CACNB4: variants seen among roughly 807,000 people sequenced by gnomAD.
CACNB4 encodes the protein calcium voltage-gated channel auxiliary subunit beta 4, also known as voltage-dependent L-type calcium channel subunit beta-4.
Under a neutral mutation model 71.2 loss-of-function variants are expected in CACNB4, and 32 were observed. The observed-to-expected ratio is 0.45, with a 90% CI of 0.34 to 0.60. CACNB4 has a LOEUF of 0.60. CACNB4 is among the 20% of genes least tolerant of loss of function. CACNB4 has a pLI of 0.01. For synonymous variants in CACNB4, 231 were observed against 236.9 expected (o/e 0.97, Z 0.23); for missense variants, 464 against 647.9 (o/e 0.72, Z 3.08).
chr2:152,098,580 A>AACCCC lies in CACNB4; in HGVS notation c.64-168_64-167insGGGGT. The AACCCC allele has an allele frequency of 2.2e-6, 1 of 444,560 alleles. No homozygotes were observed. The highest frequency in any genetic ancestry group is 4.2e-6 in the Non-Finnish European group (1 of 238,352). 27.5% of individuals were successfully genotyped at this position (444,560 alleles called of 1,614,324 possible). On this transcript the variant is annotated intron_variant, in intron 1 of 13. Coordinates refer to ENST00000539935, the MANE Select transcript of CACNB4 (RefSeq NM_000726.5). The surrounding 1 kb of genome is among the most constrained non-coding windows in gnomAD (Gnocchi z 5.3). ...CCAAATACAGCCCCCACCCCCACCCACCCACTGCAAGCCTCGACTGCTGAA... is the reference window on the plus strand; with the variant it reads ...CCAAATACAGCCCCCACCCCCACCCAACCCCCCCACTGCAAGCCTCGACTGCTGAA...
At chr2:151,979,340 A>C (rs951445901) in intron 2 of CACNB4, among the ~76,000 whole-genome samples, 1 of 152,154 alleles carries the variant, frequency 6.6e-6, no homozygotes, top group African/African-American at 2.4e-5. Context: ...ATAATTCATA[A>C]GAGAGTGAGT....
chr2:151,949,836 T>C (rs2099866483), intron 2 of CACNB4, among the ~76,000 whole-genome samples: 1 of 152,224 alleles, frequency 6.6e-6, no homozygotes, highest in Admixed American at 6.5e-5. Flanking sequence ...TCACTTAAGG[T>C]CAGGAGTTCG....
chr2:151,846,139 C>T (rs1396345261), intron 12 of CACNB4, among the ~76,000 whole-genome samples: 1 of 152,136 alleles, frequency 6.6e-6, no homozygotes, highest in African/African-American at 2.4e-5. Flanking sequence ...ACTAGGGAAG[C>T]CACCTGAATT....
chr2:152,061,094 G>A (rs1685987784), intron 2 of CACNB4, among the ~76,000 whole-genome samples: 1 of 152,128 alleles, frequency 6.6e-6, no homozygotes, highest in South Asian at 2.1e-4. Flanking sequence ...GATCTCTTGA[G>A]GCCAGGAGTT....
At chr2:151,847,365 A>G (rs1391093777) in intron 12 of CACNB4, among the ~76,000 whole-genome samples, 1 of 152,150 alleles carries the variant, frequency 6.6e-6, no homozygotes, top group African/African-American at 2.4e-5. Flanking sequence ...CCCTGTCTCA[A>G]CAAAACAAAA....
At chr2:151,845,625 G>A (rs373880186) in intron 12 of CACNB4, among the ~76,000 whole-genome samples, 5 of 152,362 alleles carry the variant, frequency 3.3e-5, no homozygotes, top group African/African-American at 1.2e-4. Context: ...TGCAGCATGG[G>A]CTATGGATGC....
intron 2 of CACNB4, among the ~76,000 whole-genome samples, chr2:152,041,907 G>C (rs1435059096): frequency 6.6e-6 from 1 of 152,160 alleles, no homozygotes; most frequent in Non-Finnish European, 1.5e-5. Context: ...CCCAAACAGG[G>C]CAGAGCCTCT....
At chr2:152,039,200 C>T (rs1684750373) in intron 2 of CACNB4, among the ~76,000 whole-genome samples, 2 of 152,038 alleles carry the variant, frequency 1.3e-5, no homozygotes, top group South Asian at 2.1e-4. Flanking sequence ...CGATGGATCA[C>T]GAGGTCAGGA....
chr2:151,999,396 T>C (rs1361321683), intron 2 of CACNB4, among the ~76,000 whole-genome samples: 4 of 151,212 alleles, frequency 2.6e-5, no homozygotes, highest in African/African-American at 9.7e-5. Context: ...TTTCTTCTTA[T>C]ACCCTTTGGG....
chr2:152,019,048 A>G (rs531395548), intron 2 of CACNB4, among the ~76,000 whole-genome samples: 5 of 152,140 alleles, frequency 3.3e-5, no homozygotes, highest in Non-Finnish European at 5.9e-5. Context: ...CACACACCAC[A>G]GTGTGTTTTG....
chr2:152,053,441 T>C (rs538844193), intron 2 of CACNB4, among the ~76,000 whole-genome samples: 1 of 152,338 alleles, frequency 6.6e-6, no homozygotes, highest in African/African-American at 2.4e-5. Flanking sequence ...CAACTAGCTG[T>C]TCGATTGTAT....
At chr2:152,037,683 T>C (rs541749066) in intron 2 of CACNB4, among the ~76,000 whole-genome samples, 89 of 152,326 alleles carry the variant, frequency 5.8e-4, no homozygotes, top group African/African-American at 2.1e-3. Flanking sequence ...GCACAGCATT[T>C]AGGATGACAC....
intron 2 of CACNB4, among the ~76,000 whole-genome samples, chr2:151,988,631 G>A (rs1327508303): frequency 4.6e-5 from 7 of 152,104 alleles, no homozygotes; most frequent in African/African-American, 9.7e-5. Flanking sequence ...TAGTAGAGTC[G>A]GGGTCTGGGG....
At chr2:151,914,380 C>T (rs2099856958) in intron 2 of CACNB4, among the ~76,000 whole-genome samples, 1 of 152,144 alleles carries the variant, frequency 6.6e-6, no homozygotes, top group African/African-American at 2.4e-5. Flanking sequence ...TACCTTTTAT[C>T]AAGGTTCTTA....
intron 4 of CACNB4, 23 bp from the exon 5 acceptor site, chr2:151,876,579 C>T (rs1223297963): frequency 1.4e-6 from 2 of 1,419,884 alleles, no homozygotes; most frequent in East Asian, 2.7e-5. Flanking sequence ...AATAAAATTG[C>T]TATCAATAGT....
intron 12 of CACNB4, among the ~76,000 whole-genome samples, chr2:151,849,542 C>T (rs1578449917): frequency 2.0e-5 from 3 of 152,202 alleles, no homozygotes; most frequent in Non-Finnish European, 4.4e-5. Context: ...TCCTGAGTAG[C>T]TGGGACTACA....
chr2:151,985,493 T>C (rs1443620898), intron 2 of CACNB4, among the ~76,000 whole-genome samples: 5 of 152,186 alleles, frequency 3.3e-5, no homozygotes, highest in African/African-American at 1.2e-4. Context: ...TTAAGCCTCT[T>C]GATCACATTG....
At chr2:152,042,331 C>T (rs1391699888) in intron 2 of CACNB4, among the ~76,000 whole-genome samples, 2 of 152,218 alleles carry the variant, frequency 1.3e-5, no homozygotes, top group Non-Finnish European at 1.5e-5. Flanking sequence ...TCTGCTCCCT[C>T]CCCAGGTCTG....
intron 2 of CACNB4, among the ~76,000 whole-genome samples, chr2:151,921,505 A>G (rs1324197362): frequency 2.0e-5 from 3 of 152,210 alleles, no homozygotes; most frequent in Admixed American, 6.5e-5. Flanking sequence ...TCAGAAGTCC[A>G]AAATGTATCT....
Sources: allele counts gnomAD v4.1 joint callset (sites outside exome capture counted in the v4.1 genomes callset), GRCh38; gene constraint gnomAD v4.1.1; non-coding constraint Gnocchi (gnomAD v3.1); transcripts MANE v1.5; gene names NCBI Gene and HGNC (gene_info 2026-07-23, HGNC 2026-07-21).